CALCRL: variants seen among roughly 807,000 people sequenced by gnomAD.
CALCRL encodes calcitonin gene-related peptide type 1 receptor.
CALCRL carries 27 observed loss-of-function variants against 60.4 expected under a neutral mutation model. The ratio of observed to expected loss-of-function variants is 0.45; its 90% CI spans 0.33 to 0.62. The LOEUF (loss-of-function observed/expected upper bound fraction) is 0.62. Ranked by LOEUF, CALCRL falls within the 20% of genes least tolerant of loss-of-function variation. CALCRL has a pLI of 0.03. For synonymous variants in CALCRL, 190 were observed against 182.6 expected (o/e 1.04, Z -0.33); for missense variants, 424 against 540.7 (o/e 0.78, Z 2.14).
At chr2:187,379,952 A>G (rs966756245) in intron 7 of CALCRL, among the ~76,000 whole-genome samples, 1 of 152,200 alleles carries the variant, frequency 6.6e-6, no homozygotes, top group East Asian at 1.9e-4. Flanking sequence ...AGTGTTTTCT[A>G]TCGAAGCTAT....
chr2:187,351,861 G>A (rs1205262886), intron 14 of CALCRL, 59 bp downstream of exon 14: 2 of 1,033,226 alleles, frequency 1.9e-6, no homozygotes, highest in Non-Finnish European at 2.9e-6. Flanking sequence ...TTAAATACAT[G>A]GATAGATAGA....
At chr2:187,390,785 A>G (rs186826011) in intron 1 of CALCRL, among the ~76,000 whole-genome samples, 37 of 152,270 alleles carry the variant, frequency 2.4e-4, no homozygotes, top group South Asian at 1.0e-3. Flanking sequence ...ATTCCTAATC[A>G]AGGGGGCAGG....
At chr2:187,378,264 A>G (rs1687848762) in intron 8 of CALCRL, among the ~76,000 whole-genome samples, 1 of 152,160 alleles carries the variant, frequency 6.6e-6, no homozygotes, top group South Asian at 2.1e-4. Context: ...GTCACGCTGA[A>G]TTCTATGATT....
intron 1 of CALCRL, among the ~76,000 whole-genome samples, chr2:187,406,594 G>A (rs770992970): frequency 2.0e-5 from 3 of 151,932 alleles, no homozygotes; most frequent in Non-Finnish European, 4.4e-5. Flanking sequence ...TTTTATCTAT[G>A]TATATGTTAT....
chr2:187,384,123 G>C (rs561180776), intron 4 of CALCRL, among the ~76,000 whole-genome samples: 3 of 152,130 alleles, frequency 2.0e-5, no homozygotes, highest in Admixed American at 1.3e-4. Context: ...GCAGGAAGTT[G>C]AATTTAGTAA....
intron 1 of CALCRL, among the ~76,000 whole-genome samples, chr2:187,445,022 A>C (rs1325209723): frequency 1.3e-5 from 2 of 151,614 alleles, no homozygotes; most frequent in Non-Finnish European, 3.0e-5. Flanking sequence ...AGTATGGTAC[A>C]TGTACTTTGT....
At chr2:187,417,711 G>C (rs1470442227) in intron 1 of CALCRL, among the ~76,000 whole-genome samples, 1 of 151,710 alleles carries the variant, frequency 6.6e-6, no homozygotes, top group Non-Finnish European at 1.5e-5. Context: ...TGGGAGTCAG[G>C]GAAGACAAAA....
chr2:187,368,294 T>C (rs1687381743), intron 8 of CALCRL, among the ~76,000 whole-genome samples: 1 of 152,088 alleles, frequency 6.6e-6, no homozygotes, highest in Non-Finnish European at 1.5e-5. Flanking sequence ...TAATGGTTTT[T>C]AGGTACAAAT....
In CALCRL at chr2:187,346,414, GA is replaced by G. The variant is rs1180413759; in HGVS notation, c.1171-16del. On this transcript the variant is annotated splice_polypyrimidine_tract_variant and intron_variant, in intron 14 of 14. Transcript: ENST00000392370. The stretch of plus-strand genomic sequence containing the variant: ...ATTGCTTGAACCTATCAATCAAAAG[GA>G]AAACAGAAAGAACAAGAACAACCCA... The G allele has an allele frequency of 6.4e-7, 1 of 1,567,710 alleles. No homozygotes were observed. The highest frequency in any genetic ancestry group is 8.7e-7 in the Non-Finnish European group (1 of 1,143,818).
intron 1 of CALCRL, among the ~76,000 whole-genome samples, chr2:187,441,161 T>TCTTA (rs1349328913): frequency 1.3e-5 from 2 of 152,096 alleles, no homozygotes; most frequent in Non-Finnish European, 2.9e-5. Context: ...TTTCAGAATA[T>TCTTA]CTTAACCAAG....
At chr2:187,363,999 A>G (rs943837346) in intron 8 of CALCRL, among the ~76,000 whole-genome samples, 1 of 152,206 alleles carries the variant, frequency 6.6e-6, no homozygotes, top group Non-Finnish European at 1.5e-5. Flanking sequence ...GATCTGGAAA[A>G]AATAACAAAG....
chr2:187,359,595 G>A (rs3815524), intron 10 of CALCRL, among the ~76,000 whole-genome samples: 9 of 151,968 alleles, frequency 5.9e-5, no homozygotes, highest in Admixed American at 6.6e-5. Flanking sequence ...TTCAGCATTC[G>A]TGTACTTTCT....
intron 14 of CALCRL, among the ~76,000 whole-genome samples, chr2:187,349,404 A>G (rs1686425938): frequency 6.6e-6 from 1 of 151,716 alleles, no homozygotes; most frequent in Middle Eastern, 3.2e-3. Flanking sequence ...GGAAAACAAG[A>G]AGGAAACTAA....
chr2:187,355,261 C>T (rs1686720440), intron 12 of CALCRL, among the ~76,000 whole-genome samples: 1 of 151,954 alleles, frequency 6.6e-6, no homozygotes, highest in Non-Finnish European at 1.5e-5. Flanking sequence ...TGTGGTAGAG[C>T]CAGGATTCAG....
Position 187,351,918 on chromosome 2 carries a change from A to G in CALCRL, c.1170+2T>C. 1 of 1,549,964 alleles carries G rather than the reference A, an allele frequency of 6.5e-7. No homozygotes were observed. Among genetic ancestry groups the G allele is most frequent in the Non-Finnish European group, 8.9e-7 (1 of 1,125,006 alleles). ...TAGAAGGAATAAAATCAATTATCAT[A>G]CCTCTCCATTAAAGAAGCAGAAAAT... is the stretch of plus-strand genomic sequence containing the variant. On this transcript the variant is annotated splice_donor_variant, in intron 14 of 14. Coordinates refer to ENST00000392370, the MANE Select transcript of CALCRL (RefSeq NM_005795.6). LOFTEE classifies it high-confidence loss of function.
intron 1 of CALCRL, chr2:187,415,506 A>G (rs1291514469): frequency 5.7e-6 from 2 of 349,688 alleles, no homozygotes; most frequent in African/African-American, 2.2e-5. Flanking sequence ...TTGAAATGTT[A>G]TATAAACTTT....
Position 187,380,907 on chromosome 2 carries a change from T to C in CALCRL, c.185-120A>G, listed in dbSNP as rs1415217475. ...AGGCTATCTACTGAAAATGCAGACA[T>C]TATATGAAAATCTATATATAGAAAT... is the stretch of plus-strand genomic sequence containing the variant. On this transcript the variant is annotated intron_variant, in intron 5 of 14. Transcript: ENST00000392370. The C allele has an allele frequency of 1.8e-5, 10 of 556,424 alleles. No homozygotes were observed. In the East Asian group the frequency reaches 2.3e-4, roughly 13 times the overall value. 34.5% of individuals were successfully genotyped at this position (556,424 alleles called of 1,614,324 possible).
intron 12 of CALCRL, among the ~76,000 whole-genome samples, chr2:187,357,126 C>T (rs1021466114): frequency 6.6e-6 from 1 of 152,080 alleles, no homozygotes; most frequent in African/African-American, 2.4e-5. Context: ...CCAGAAATAC[C>T]ATTTGACCCA....
At chr2:187,422,811 T>A (rs1361080433) in intron 1 of CALCRL, among the ~76,000 whole-genome samples, 4 of 152,002 alleles carry the variant, frequency 2.6e-5, no homozygotes, top group African/African-American at 9.7e-5. Context: ...GGTATAATTC[T>A]GATTGTGACA....
Sources: gnomAD v4.1 joint callset for allele counts (sites outside exome capture counted in the v4.1 genomes callset) on GRCh38, gnomAD v4.1.1 for gene constraint, MANE v1.5 for transcripts, NCBI Gene and HGNC (gene_info 2026-07-23, HGNC 2026-07-21) for gene names.